DLGAP1: variants seen among roughly 807,000 people sequenced by gnomAD.
The protein encoded by DLGAP1 is DLG associated protein 1.
Under a neutral mutation model 90.8 loss-of-function variants are expected in DLGAP1, and 11 were observed. The ratio of observed to expected loss-of-function variants is 0.12; its 90% CI spans 0.08 to 0.20. The LOEUF (loss-of-function observed/expected upper bound fraction) is 0.20, where lower values mean the gene tolerates loss of function less well. Ranked by LOEUF, DLGAP1 falls within the 10% of genes least tolerant of loss-of-function variation. The pLI, the probability that DLGAP1 is intolerant of heterozygous loss-of-function variation, is 1.00. For missense variants in DLGAP1, 1,050 were observed against 1,333.8 expected (o/e 0.79, Z 3.31); for synonymous variants, 558 against 540.7 (o/e 1.03, Z -0.44).
chr18:3,964,908 C>T (rs1272708756), intron 3 of DLGAP1, among the ~76,000 whole-genome samples: 1 of 152,180 alleles, frequency 6.6e-6, no homozygotes, highest in Non-Finnish European at 1.5e-5. Flanking sequence ...CTTGCTCTTA[C>T]TCTTGCATGC....
chr18:4,211,131 T>A (rs1053766335), intron 1 of DLGAP1, among the ~76,000 whole-genome samples: 2 of 152,224 alleles, frequency 1.3e-5, no homozygotes, highest in African/African-American at 4.8e-5. Flanking sequence ...GGGTCCACAC[T>A]GCACAATGTA....
At chr18:4,288,423 T>G (rs1342593729) in intron 1 of DLGAP1, among the ~76,000 whole-genome samples, 1 of 152,174 alleles carries the variant, frequency 6.6e-6, no homozygotes. Context: ...GAATTTTAGC[T>G]TTTCCTTTAT....
intron 8 of DLGAP1, among the ~76,000 whole-genome samples, chr18:3,571,038 C>A (rs541097294): frequency 6.6e-6 from 1 of 151,740 alleles, no homozygotes; most frequent in Admixed American, 6.6e-5. Context: ...TTGTCAAGCT[C>A]GTCCTGTTAG....
At chr18:3,588,597 T>C (rs963169443) in intron 7 of DLGAP1, among the ~76,000 whole-genome samples, 1 of 151,174 alleles carries the variant, frequency 6.6e-6, no homozygotes, top group Admixed American at 6.6e-5. Context: ...CTGGCCAACA[T>C]GTTGAAACCC....
chr18:4,363,925 T>G (rs896311322), intron 1 of DLGAP1, among the ~76,000 whole-genome samples: 3 of 152,080 alleles, frequency 2.0e-5, no homozygotes, highest in Admixed American at 1.3e-4. Context: ...CAAAGGACTA[T>G]AAATCATGCT....
intron 7 of DLGAP1, among the ~76,000 whole-genome samples, chr18:3,723,861 A>T (rs2062063304): frequency 6.6e-6 from 1 of 152,190 alleles, no homozygotes; most frequent in South Asian, 2.1e-4. Context: ...TACAAAAATC[A>T]AACTGTAAAT....
At chr18:3,955,537 C>T (rs1295270612) in intron 3 of DLGAP1, among the ~76,000 whole-genome samples, 1 of 151,960 alleles carries the variant, frequency 6.6e-6, no homozygotes, top group Non-Finnish European at 1.5e-5. Context: ...CATGGAGAAA[C>T]CCCGCCTCTA....
intron 4 of DLGAP1, among the ~76,000 whole-genome samples, chr18:3,848,570 C>T (rs986062117): frequency 9.9e-5 from 15 of 152,066 alleles, no homozygotes; most frequent in Admixed American, 3.3e-4. Context: ...CAAACTCTCC[C>T]GCCCCCATCT....
At chr18:4,191,530 T>C (rs1233045880) in intron 1 of DLGAP1, among the ~76,000 whole-genome samples, 1 of 152,174 alleles carries the variant, frequency 6.6e-6, no homozygotes, top group East Asian at 1.9e-4. Flanking sequence ...CTCCTAACTG[T>C]TCTGTTTTCA....
chr18:4,007,675 C>CAAAA (rs1475147381), intron 2 of DLGAP1, among the ~76,000 whole-genome samples: 1 of 151,920 alleles, frequency 6.6e-6, no homozygotes, highest in Non-Finnish European at 1.5e-5. Flanking sequence ...AACAAACAAA[C>CAAAA]AAAAAACCAT....
intron 1 of DLGAP1, among the ~76,000 whole-genome samples, chr18:4,242,260 G>A (rs1359291602): frequency 1.3e-5 from 2 of 152,010 alleles, no homozygotes; most frequent in East Asian, 3.9e-4. Context: ...TCCATATGAC[G>A]AACCTATCAA....
chr18:4,303,385 T>A (rs758817784), intron 1 of DLGAP1, among the ~76,000 whole-genome samples: 15 of 152,118 alleles, frequency 9.9e-5, no homozygotes, highest in Non-Finnish European at 1.8e-4. Flanking sequence ...GGGCAGCTGA[T>A]CTCTCTTGTG....
At chr18:3,732,396 A>G (rs1226375799) in intron 6 of DLGAP1, among the ~76,000 whole-genome samples, 1 of 152,234 alleles carries the variant, frequency 6.6e-6, no homozygotes, top group African/African-American at 2.4e-5. Context: ...ATATTCTATA[A>G]TTACTTTTAT....
intron 2 of DLGAP1, among the ~76,000 whole-genome samples, chr18:4,016,359 C>T (rs1184516691): frequency 1.3e-5 from 2 of 152,232 alleles, no homozygotes; most frequent in Non-Finnish European, 2.9e-5. Context: ...AGTCTTTTCT[C>T]ATCACACTTC....
At chr18:3,888,107 C>CAAAA (rs1164887393) in intron 3 of DLGAP1, among the ~76,000 whole-genome samples, 24 of 49,384 alleles carry the variant, frequency 4.9e-4, no homozygotes, top group African/African-American at 1.7e-3. Context: ...GACTCCATCT[C>CAAAA]AAAAAAAAAA....
chr18:3,710,635 A>C (rs1349835442), intron 7 of DLGAP1, among the ~76,000 whole-genome samples: 1 of 152,242 alleles, frequency 6.6e-6, no homozygotes, highest in African/African-American at 2.4e-5. Flanking sequence ...GTAGTGAACA[A>C]GACAGAAAAA....
At chr18:4,145,282 G>GA (rs375890783) in intron 2 of DLGAP1, among the ~76,000 whole-genome samples, 38 of 152,198 alleles carry the variant, frequency 2.5e-4, no homozygotes, top group Middle Eastern at 3.4e-3. Flanking sequence ...ACAGATGTCT[G>GA]AAAAAATCAA....
chr18:4,054,899 T>A (rs892087014), intron 2 of DLGAP1, among the ~76,000 whole-genome samples: 3 of 152,208 alleles, frequency 2.0e-5, no homozygotes, highest in Non-Finnish European at 4.4e-5. Context: ...TCCCTTTTTA[T>A]ATTTAGGAGG....
At chr18:4,199,873 T>C (rs2077575797) in intron 1 of DLGAP1, among the ~76,000 whole-genome samples, 1 of 152,222 alleles carries the variant, frequency 6.6e-6, no homozygotes, top group Non-Finnish European at 1.5e-5. Context: ...TTGAGCAGCA[T>C]AGTGATAGTT....
Sources: allele counts gnomAD v4.1 joint callset (sites outside exome capture counted in the v4.1 genomes callset), GRCh38; gene constraint gnomAD v4.1.1; transcripts MANE v1.5; gene names NCBI Gene and HGNC (gene_info 2026-07-23, HGNC 2026-07-21).